EFCAB5: variants seen among roughly 807,000 people sequenced by gnomAD.
EFCAB5 encodes EF-hand calcium-binding domain-containing protein 5.
In EFCAB5, 131 loss-of-function variants were observed where a neutral mutation model predicts 167.9. That is an observed-to-expected ratio of 0.78 (90% CI 0.68 to 0.90). EFCAB5 has a LOEUF of 0.90. EFCAB5 is among the 40% of genes least tolerant of loss of function. The pLI is 0.00. For synonymous variants in EFCAB5, 574 were observed against 602.8 expected (o/e 0.95, Z 0.70); for missense variants, 1,663 against 1,745.2 (o/e 0.95, Z 0.84).
chr17:30,056,088 A>G lies in EFCAB5; in HGVS notation c.2297A>G (p.Lys766Arg). The change falls in exon 12 of 23, where the codon AAA becomes AGA. Residue 766 changes from lysine (K) to arginine (R), a missense_variant. Lys to Arg is a conservative substitution (Grantham distance 26). Transcript: ENST00000394835. ...GGTGAATTTTTTACTTGTAACTGGA[A>G]AATGAAGTATGTCACATTTGAAGAT... ...WSGEFFTCNW[K>R]MKYVTFEDEE... 6.2e-7 allele frequency: 1 copy of G among 1,612,806 alleles called. No individual in the cohort carries two copies.
At chr17:30,058,932 GAGA>G in intron 13 of EFCAB5, 1 of 149,576 alleles carries the variant, frequency 6.7e-6, no homozygotes, top group Admixed American at 6.6e-5. Flanking sequence ...TGAACAACTA[GAGA>G]AGGAGTGGAA....
chr17:29,999,421 G>C (rs926813446), intron 6 of EFCAB5, among the ~76,000 whole-genome samples: 1 of 152,056 alleles, frequency 6.6e-6, no homozygotes, highest in African/African-American at 2.4e-5. Flanking sequence ...AGTGCTGATG[G>C]GAGGTAGAGA....
intron 3 of EFCAB5, among the ~76,000 whole-genome samples, chr17:29,964,522 T>C (rs2067787744): frequency 6.6e-6 from 1 of 152,178 alleles, no homozygotes; most frequent in South Asian, 2.1e-4. Flanking sequence ...CTCGAACTCC[T>C]GACCTCATGA....
At chr17:30,091,023 C>T (rs8065261) in intron 20 of EFCAB5, among the ~76,000 whole-genome samples, 92,827 of 152,036 alleles carry the variant, frequency 0.61, 30,649 homozygotes, top group African/African-American at 0.86. Flanking sequence ...TGATACCCCA[C>T]TTACAGGTGA....
chr17:30,053,951 A>T lies in EFCAB5; in HGVS notation c.1997A>T (p.Asp666Val). ...GAGATAATTTCAGAAGAGCAAGAAG[A>T]CATAGGCTCAACTTCACAATCAAGA... ...YGEIISEEQEDIGSTSQSRKD... is the reference protein window; with the variant it reads ...YGEIISEEQEVIGSTSQSRKD... Residue 666 changes from aspartate to valine, a missense_variant, in exon 10 of 23, where the codon GAC (aspartate) becomes GTC (valine). Transcript: ENST00000394835. 13 of 1,614,010 alleles carry T rather than the reference A, an allele frequency of 8.1e-6. No individual in the cohort carries two copies. The highest frequency in any genetic ancestry group is 1.1e-5 in the Non-Finnish European group (13 of 1,179,878).
intron 14 of EFCAB5, among the ~76,000 whole-genome samples, chr17:30,063,991 CA>C (rs1004794902): frequency 1.3e-5 from 2 of 152,142 alleles, no homozygotes; most frequent in Admixed American, 1.3e-4. Context: ...TCCCAACTAG[CA>C]CACAAAATTT....
chr17:30,037,956 A>C (rs892585476), intron 8 of EFCAB5, among the ~76,000 whole-genome samples: 1 of 152,202 alleles, frequency 6.6e-6, no homozygotes, highest in Non-Finnish European at 1.5e-5. Flanking sequence ...TGTGCAAGTG[A>C]AAGGAAGAGT....
At chr17:29,953,649 G>A (rs942750705) in intron 3 of EFCAB5, among the ~76,000 whole-genome samples, 2 of 152,196 alleles carry the variant, frequency 1.3e-5, no homozygotes, top group Non-Finnish European at 2.9e-5. Flanking sequence ...CCAGTCTCAG[G>A]TATGTCTTTA....
At chr17:30,028,524 T>A (rs992145133) in intron 7 of EFCAB5, among the ~76,000 whole-genome samples, 5 of 152,014 alleles carry the variant, frequency 3.3e-5, no homozygotes, top group Non-Finnish European at 7.4e-5. Context: ...TGGGGAGAAA[T>A]GAGAGAATTT....
chr17:30,053,437 G>A lies in EFCAB5; in HGVS notation c.1483G>A (p.Glu495Lys), dbSNP rs752078600. ...AAGTCCAGATCAACCTAAACTTAAC[G>A]AACAGAGAACATCAACACCATCACC... Reference protein sequence around the residue: ...LESPDQPKLNEQRTSTPSPNP... With the variant: ...LESPDQPKLNKQRTSTPSPNP... Residue 495 changes from glutamate to lysine, a missense_variant, in exon 10 of 23, where the codon GAA (glutamate) becomes AAA (lysine). Physicochemically the swap from Glu to Lys is moderately conservative, Grantham distance 56. Coordinates refer to ENST00000394835, the MANE Select transcript of EFCAB5 (RefSeq NM_198529.4). 14 of 1,613,780 alleles carry A rather than the reference G, an allele frequency of 8.7e-6. No individual in the cohort carries two copies. The highest frequency in any genetic ancestry group is 6.7e-5 in the East Asian group (3 of 44,898).
intron 14 of EFCAB5, among the ~76,000 whole-genome samples, chr17:30,065,291 A>T (rs2070534019): frequency 6.6e-6 from 1 of 152,268 alleles, no homozygotes; most frequent in South Asian, 2.1e-4. Flanking sequence ...GTAAGTACTC[A>T]CCTATCAATA....
intron 8 of EFCAB5, among the ~76,000 whole-genome samples, chr17:30,042,075 C>G (rs2069789405): frequency 6.6e-6 from 1 of 151,782 alleles, no homozygotes. Context: ...GTGGCGCAGT[C>G]TTGGCTCACT....
chr17:29,973,967 G>T (rs2068012678), intron 4 of EFCAB5, among the ~76,000 whole-genome samples: 1 of 151,482 alleles, frequency 6.6e-6, no homozygotes, highest in Non-Finnish European at 1.5e-5. Context: ...AGACCTCCCT[G>T]GCCAACATGG....
At chr17:29,932,970 G>A (rs2151504589) in intron 1 of EFCAB5, among the ~76,000 whole-genome samples, 1 of 152,216 alleles carries the variant, frequency 6.6e-6, no homozygotes, top group South Asian at 2.1e-4. Flanking sequence ...ACCTTTTAAG[G>A]AAACTAAGAT....
chr17:30,007,112 T>C (rs1246438368), intron 7 of EFCAB5, among the ~76,000 whole-genome samples: 1 of 152,230 alleles, frequency 6.6e-6, no homozygotes, highest in South Asian at 2.1e-4. Context: ...AACAGTCTTT[T>C]TTGTTGTTGT....
intron 8 of EFCAB5, among the ~76,000 whole-genome samples, chr17:30,040,608 A>T (rs1446853982): frequency 2.0e-5 from 3 of 152,256 alleles, no homozygotes; most frequent in Non-Finnish European, 4.4e-5. Flanking sequence ...CCAGAAGTTA[A>T]TCAAAACAAC....
chr17:30,007,699 T>C (rs1254287541), intron 7 of EFCAB5, among the ~76,000 whole-genome samples: 1 of 152,172 alleles, frequency 6.6e-6, no homozygotes, highest in Non-Finnish European at 1.5e-5. Context: ...TCAGGGTGCA[T>C]CATTTAGCCC....
At chr17:29,981,005 C>T (rs1448376440) in intron 4 of EFCAB5, among the ~76,000 whole-genome samples, 1 of 152,190 alleles carries the variant, frequency 6.6e-6, no homozygotes, top group East Asian at 1.9e-4. Context: ...GACCATCCCC[C>T]ACTGCTTTCA....
intron 1 of EFCAB5, among the ~76,000 whole-genome samples, chr17:29,931,169 G>T (rs1267903786): frequency 1.3e-5 from 2 of 152,160 alleles, no homozygotes; most frequent in Non-Finnish European, 2.9e-5. Flanking sequence ...AAAGAGAGTT[G>T]ACAAGGCTAT....
Sources: gnomAD v4.1 joint callset for allele counts (sites outside exome capture counted in the v4.1 genomes callset) on GRCh38, gnomAD v4.1.1 for gene constraint, MANE v1.5 for transcripts, NCBI Gene and HGNC (gene_info 2026-07-23, HGNC 2026-07-21) for gene names.